Variants in DIAPH3 observed in about 807,000 individuals in gnomAD.
DIAPH3 encodes the protein diaphanous related formin 3.
A neutral mutation model predicts 144.3 loss-of-function variants in DIAPH3; 117 were observed. That is an observed-to-expected ratio of 0.81 (90% CI 0.70 to 0.95). DIAPH3 has a LOEUF of 0.95. DIAPH3 is among the 40% of genes least tolerant of loss of function. The probability of loss-of-function intolerance (pLI) is 0.00; values close to 1 mark genes in which losing one functional copy is unlikely to be tolerated. For synonymous variants in DIAPH3, 519 were observed against 488.9 expected, an observed-to-expected ratio of 1.06 and a Z score of -0.81; for missense variants, 1,421 against 1,412.7, an observed-to-expected ratio of 1.01 and a Z score of -0.09.
chr13:60,106,518 A>G (rs2058425781), intron 3 of DIAPH3, among the ~76,000 whole-genome samples: 1 of 152,194 alleles, frequency 6.6e-6, no homozygotes, highest in South Asian at 2.1e-4. Context: ...AAAGTTTGAT[A>G]AATCTGACCA....
chr13:59,788,708 T>C (rs781519881), intron 25 of DIAPH3, among the ~76,000 whole-genome samples: 4 of 152,214 alleles, frequency 2.6e-5, no homozygotes, highest in Non-Finnish European at 4.4e-5. Flanking sequence ...ATTTAAATTA[T>C]TGATATGGAC....
chr13:59,823,408 T>C (rs1362687864), intron 24 of DIAPH3, among the ~76,000 whole-genome samples: 2 of 152,236 alleles, frequency 1.3e-5, no homozygotes, highest in Non-Finnish European at 2.9e-5. Context: ...AGTTAGCATA[T>C]TTATTTTGTT....
At position 59,934,702 on chromosome 13, in the gene DIAPH3, A is replaced by AAC. The variant is rs2048179469; in HGVS notation, c.2075-9833_2075-9832insGT. 7.0e-5 allele frequency among the ~76,000 whole-genome samples: 6 copies of AAC among 85,686 alleles called. No homozygotes were observed. The South Asian group carries it at 2.0e-3, about 28-fold the overall frequency. The allele number at this position is 85,686 out of a possible 152,430, so 56.2% of individuals were successfully genotyped here. A position where few individuals can be genotyped will look rare whatever the true frequency, so the allele number is the denominator to read the frequency against. On this transcript the variant is annotated intron_variant, in intron 17 of 27. Coordinates refer to ENST00000400324, the MANE Select transcript of DIAPH3 (RefSeq NM_001042517.2). ...CTCATTCTATAAATCAGGAAACCTA[A>AAC]GCAGAGAATATAAGCTACATGCTGA... is the stretch of plus-strand genomic sequence containing the variant.
intron 27 of DIAPH3, among the ~76,000 whole-genome samples, chr13:59,669,229 A>G (rs1466124689): frequency 6.6e-6 from 1 of 152,194 alleles, no homozygotes; most frequent in Non-Finnish European, 1.5e-5. Context: ...CAGTATATCC[A>G]AGGTCACACA....
chr13:59,999,007 A>C (rs1310674081), intron 9 of DIAPH3, among the ~76,000 whole-genome samples: 1 of 152,282 alleles, frequency 6.6e-6, no homozygotes, highest in Non-Finnish European at 1.5e-5. Context: ...AAAACAAAAA[A>C]TAGTAAATCA....
intron 15 of DIAPH3, among the ~76,000 whole-genome samples, chr13:59,972,283 C>T (rs1026641339): frequency 4.0e-4 from 61 of 152,008 alleles, no homozygotes; most frequent in African/African-American, 1.4e-3. Context: ...AAAAAAGAAC[C>T]GCCTGTGTCC....
intron 2 of DIAPH3, among the ~76,000 whole-genome samples, chr13:60,118,424 T>G (rs1211025647): frequency 6.6e-6 from 1 of 152,160 alleles, no homozygotes; most frequent in Non-Finnish European, 1.5e-5. Context: ...ATCATAAACA[T>G]ACTTCATTAG....
chr13:59,952,438 AC>A (rs569966814), intron 17 of DIAPH3, among the ~76,000 whole-genome samples: 189 of 152,336 alleles, frequency 1.2e-3, no homozygotes, highest in African/African-American at 4.4e-3. Context: ...AAAAATACCT[AC>A]AAAATGTGTT....
intron 5 of DIAPH3, among the ~76,000 whole-genome samples, chr13:60,032,404 C>A (rs61958563): frequency 0.012 from 1,765 of 152,308 alleles, 18 homozygotes; most frequent in Non-Finnish European, 0.019. Context: ...TACCTGGACA[C>A]CCAGGCTTTC....
chr13:59,974,480 C>G (rs772801324), intron 14 of DIAPH3, 24 bp from the exon 15 acceptor site: 1 of 1,558,762 alleles, frequency 6.4e-7, no homozygotes, highest in East Asian at 2.3e-5. Flanking sequence ...AAAATAATAA[C>G]AAAAACAGGA....
chr13:59,906,895 A>G (rs980610626), intron 20 of DIAPH3, among the ~76,000 whole-genome samples: 34 of 152,218 alleles, frequency 2.2e-4, no homozygotes, highest in African/African-American at 8.0e-4. Context: ...AAAGCATGCC[A>G]CTGTGAACAC....
At chr13:60,147,263 T>C (rs1311767932) in intron 1 of DIAPH3, 1 of 152,182 alleles carries the variant, frequency 6.6e-6, no homozygotes, top group African/African-American at 2.4e-5. Flanking sequence ...AGAGAAAAGG[T>C]CATTTGGAAA....
chr13:59,928,057 C>G (rs546750304), intron 17 of DIAPH3, among the ~76,000 whole-genome samples: 8 of 152,220 alleles, frequency 5.3e-5, no homozygotes, highest in African/African-American at 1.7e-4. Context: ...ACATGTCACG[C>G]AGACTTTTTA....
intron 17 of DIAPH3, among the ~76,000 whole-genome samples, chr13:59,956,948 A>G (rs1411422766): frequency 6.6e-6 from 1 of 151,972 alleles, no homozygotes; most frequent in Non-Finnish European, 1.5e-5. Context: ...GGGCCTGTAG[A>G]CCCTTTGATT....
At chr13:60,059,915 G>A (rs766582465) in intron 4 of DIAPH3, among the ~76,000 whole-genome samples, 3 of 152,058 alleles carry the variant, frequency 2.0e-5, no homozygotes, top group Non-Finnish European at 4.4e-5. Flanking sequence ...AACAAAAGGG[G>A]AGGAGGGACA....
At chr13:59,774,046 C>T in intron 27 of DIAPH3, 143 bp downstream of exon 27, 2 of 802,612 alleles carry the variant, frequency 2.5e-6, no homozygotes, top group Non-Finnish European at 4.0e-6. Flanking sequence ...TACGCAATCT[C>T]ATAGCAAATA....
chr13:60,146,568 G>C (rs1300781416), intron 1 of DIAPH3, among the ~76,000 whole-genome samples: 3 of 152,134 alleles, frequency 2.0e-5, no homozygotes, highest in Non-Finnish European at 4.4e-5. Flanking sequence ...TTTGCACTGT[G>C]CCATATGCAA....
At chr13:60,160,117 G>A (rs999262036) in intron 1 of DIAPH3, among the ~76,000 whole-genome samples, 13 of 152,026 alleles carry the variant, frequency 8.6e-5, no homozygotes, top group African/African-American at 3.1e-4. Flanking sequence ...CCAACTACTC[G>A]GGAGGCTGAG....
At chr13:60,003,041 A>G (rs1053447940) in intron 9 of DIAPH3, among the ~76,000 whole-genome samples, 2 of 152,092 alleles carry the variant, frequency 1.3e-5, no homozygotes, top group African/African-American at 4.8e-5. Flanking sequence ...ACTGGCCAAC[A>G]TGAGGGACAA....
Sources: gnomAD v4.1 joint callset for allele counts (sites outside exome capture counted in the v4.1 genomes callset) on GRCh38, gnomAD v4.1.1 for gene constraint, MANE v1.5 for transcripts, NCBI Gene and HGNC (gene_info 2026-07-23, HGNC 2026-07-21) for gene names.